NAV2: variants seen among roughly 807,000 people sequenced by gnomAD.
NAV2 encodes the protein neuron navigator 2.
Under a neutral mutation model 223.2 loss-of-function variants are expected in NAV2, and 54 were observed. That is an observed-to-expected ratio of 0.24 (90% CI 0.19 to 0.30). The LOEUF is 0.30. Ranked by LOEUF, NAV2 falls within the 10% of genes least tolerant of loss-of-function variation. The probability of loss-of-function intolerance (pLI) is 1.00; values close to 1 mark genes in which losing one functional copy is unlikely to be tolerated. For synonymous variants in NAV2, 1,279 were observed against 1,239.3 expected (o/e 1.03, Z -0.67); for missense variants, 2,806 against 3,147.5 (o/e 0.89, Z 2.60).
rs2053898482 is a variant in NAV2 at position 20,015,152 on chromosome 11, G to C, written c.2769-20807G>C. ...ATTGCCACATGGATTTGCTTCTTTG[G>C]GTTTTTTTCCTGTTTTCCTCTAAAT... On this transcript the variant is annotated intron_variant, in intron 11 of 37. Transcript: ENST00000349880. 3.3e-5 allele frequency among the ~76,000 whole-genome samples: 5 copies of C among 152,188 alleles called. No individual in the cohort carries two copies. In the South Asian group the frequency reaches 1.0e-3, roughly 32 times the overall value.
chr11:20,035,889 G>A lies in NAV2; in HGVS notation c.2769-70G>A, dbSNP rs2056313952. ...ATCTTTTCGGGGATGGTGTTTGTCT[G>A]TCTGTGTCATCAGCCTGAGCTGGAA... On this transcript the variant is annotated intron_variant, in intron 11 of 37. Transcript: ENST00000349880. The A allele has an allele frequency of 3.1e-6, 5 of 1,588,458 alleles. No homozygotes were observed. The South Asian group carries it at 5.7e-5, about 18-fold the overall frequency.
intron 1 of NAV2, among the ~76,000 whole-genome samples, chr11:19,374,091 A>C (rs959851804): frequency 2.0e-5 from 3 of 152,218 alleles, no homozygotes; most frequent in Non-Finnish European, 4.4e-5. Context: ...CAATTATAAT[A>C]ATGTTATCAT....
At chr11:19,631,540 A>C (rs547515071) in intron 1 of NAV2, among the ~76,000 whole-genome samples, 10 of 152,282 alleles carry the variant, frequency 6.6e-5, no homozygotes, top group Admixed American at 5.2e-4. Context: ...AGAGTCACTG[A>C]CTACCTTTCC....
At chr11:19,724,900 A>G (rs1397196847) in intron 1 of NAV2, among the ~76,000 whole-genome samples, 2 of 152,232 alleles carry the variant, frequency 1.3e-5, no homozygotes, top group East Asian at 3.9e-4. Flanking sequence ...TCCTAATGCT[A>G]GGGCGAGGCC....
chr11:19,833,598 G>T (rs1565397096), intron 2 of NAV2, among the ~76,000 whole-genome samples: 1 of 152,138 alleles, frequency 6.6e-6, no homozygotes, highest in Non-Finnish European at 1.5e-5. Flanking sequence ...GTTTTCTGTT[G>T]CTGTATAACA....
At chr11:20,012,680 A>AAAC (rs1311836820) in intron 11 of NAV2, among the ~76,000 whole-genome samples, 1,018 of 4,302 alleles carry the variant, frequency 0.24, 21 homozygotes, top group Middle Eastern at 0.5. Context: ...ATCTCAAAAA[A>AAAC]AAAAAAAAAA....
chr11:19,636,740 G>A (rs1359972107), intron 1 of NAV2, among the ~76,000 whole-genome samples: 1 of 152,156 alleles, frequency 6.6e-6, no homozygotes, highest in African/African-American at 2.4e-5. Context: ...ACAGTGCTGG[G>A]ATTATAGGCG....
intron 1 of NAV2, among the ~76,000 whole-genome samples, chr11:19,591,801 C>G (rs771452422): frequency 6.6e-6 from 1 of 152,204 alleles, no homozygotes; most frequent in Non-Finnish European, 1.5e-5. Context: ...AATGGAAGAT[C>G]TCTTTGCTTC....
chr11:19,903,419 C>T (rs569561321), intron 6 of NAV2, among the ~76,000 whole-genome samples: 1 of 152,116 alleles, frequency 6.6e-6, no homozygotes, highest in African/African-American at 2.4e-5. Flanking sequence ...TTTATGATGG[C>T]AAGGCTCCCC....
At chr11:19,903,347 G>T (rs1387747317) in intron 6 of NAV2, among the ~76,000 whole-genome samples, 1 of 152,190 alleles carries the variant, frequency 6.6e-6, no homozygotes, top group East Asian at 1.9e-4. Context: ...CATGGACACA[G>T]TTCACATTCT....
At chr11:19,674,111 GC>G (rs1037468670) in intron 1 of NAV2, among the ~76,000 whole-genome samples, 27 of 152,312 alleles carry the variant, frequency 1.8e-4, no homozygotes, top group Admixed American at 1.7e-3. Context: ...TGTGGAAGGA[GC>G]TTTTGGCTAA....
At chr11:19,596,226 T>C (rs1334205271) in intron 1 of NAV2, among the ~76,000 whole-genome samples, 1 of 152,194 alleles carries the variant, frequency 6.6e-6, no homozygotes, top group Non-Finnish European at 1.5e-5. Flanking sequence ...TTGTGTGCCC[T>C]TTCTGGCAAA....
intron 19 of NAV2, among the ~76,000 whole-genome samples, chr11:20,057,695 CATG>C (rs2058452232): frequency 6.6e-6 from 1 of 152,208 alleles, no homozygotes; most frequent in Non-Finnish European, 1.5e-5. Flanking sequence ...TCTTCTCTGC[CATG>C]TGTCTTCCTG....
chr11:19,398,132 G>GTAGTATTT (rs1180965861), intron 1 of NAV2, among the ~76,000 whole-genome samples: 4 of 152,152 alleles, frequency 2.6e-5, no homozygotes, highest in African/African-American at 9.7e-5. Context: ...AATACTGCAG[G>GTAGTATTT]CTGTGTAGAA....
At chr11:20,031,708 C>T (rs1033711572) in intron 11 of NAV2, among the ~76,000 whole-genome samples, 2 of 150,992 alleles carry the variant, frequency 1.3e-5, no homozygotes, top group African/African-American at 4.9e-5. Context: ...GCTCTAGGCT[C>T]TATTGCATTT....
chr11:19,379,907 C>A (rs1848777758), intron 1 of NAV2, among the ~76,000 whole-genome samples: 2 of 152,124 alleles, frequency 1.3e-5, no homozygotes, highest in Admixed American at 6.5e-5. Flanking sequence ...TCCAAATCAC[C>A]AAACACCATT....
chr11:19,933,174 A>G lies in NAV2; in HGVS notation c.932-2A>G. ...CAGGCCTCCTCTCTTCTGTCTCTGCAGAGCCTTTGGCAAGTTCAGCCTCCT... is the reference window on the plus strand; with the variant it reads ...CAGGCCTCCTCTCTTCTGTCTCTGCGGAGCCTTTGGCAAGTTCAGCCTCCT... On this transcript the variant is annotated splice_acceptor_variant, in intron 6 of 37. Coordinates refer to ENST00000349880, the MANE Select transcript of NAV2 (RefSeq NM_145117.5). LOFTEE classifies it high-confidence loss of function. This position sits in a 1 kb window ranked among gnomAD's most constrained non-coding sequence, Gnocchi z 4.3. 1 of 1,524,886 alleles carries G rather than the reference A, an allele frequency of 6.6e-7. No homozygotes were observed. Among genetic ancestry groups the G allele is most frequent in the Non-Finnish European group, 8.8e-7 (1 of 1,134,558 alleles). The allele number at this position is 1,524,886 out of a possible 1,614,324, so 94.5% of individuals were successfully genotyped here.
At chr11:19,964,304 A>G (rs1406534342) in intron 10 of NAV2, among the ~76,000 whole-genome samples, 1 of 152,186 alleles carries the variant, frequency 6.6e-6, no homozygotes, top group Non-Finnish European at 1.5e-5. Flanking sequence ...CTCCTTGGGA[A>G]CAGCTTTCAT....
At chr11:19,899,341 A>C (rs939934449) in intron 6 of NAV2, among the ~76,000 whole-genome samples, 1 of 152,200 alleles carries the variant, frequency 6.6e-6, no homozygotes, top group African/African-American at 2.4e-5. Flanking sequence ...TGGCAAACCA[A>C]GTTATTTATC....
Sources: gnomAD v4.1 joint callset for allele counts (sites outside exome capture counted in the v4.1 genomes callset) on GRCh38, gnomAD v4.1.1 for gene constraint, Gnocchi (gnomAD v3.1) non-coding constraint, MANE v1.5 for transcripts, NCBI Gene and HGNC (gene_info 2026-07-23, HGNC 2026-07-21) for gene names.